The following NAALADL2 variants were observed in gnomAD, a reference collection of about 807,000 sequenced individuals.
The protein encoded by NAALADL2 is N-acetylated alpha-linked acidic dipeptidase like 2.
NAALADL2 carries 76 observed loss-of-function variants against 87.2 expected under a neutral mutation model. The ratio of observed to expected loss-of-function variants is 0.87; its 90% CI spans 0.72 to 1.05. The LOEUF (loss-of-function observed/expected upper bound fraction) is 1.05, where lower values mean the gene tolerates loss of function less well. Ranked by LOEUF, NAALADL2 falls within the 50% of genes least tolerant of loss-of-function variation. NAALADL2 has a pLI of 0.00. For missense variants in NAALADL2, 1,089 were observed against 945.8 expected (o/e 1.15, Z -1.99); for synonymous variants, 354 against 331.0 (o/e 1.07, Z -0.75).
At chr3:175,130,203 T>C (rs1727612796) in intron 2 of NAALADL2, among the ~76,000 whole-genome samples, 1 of 65,806 alleles carries the variant, frequency 1.5e-5, no homozygotes, top group Admixed American at 1.8e-4. Context: ...AACTTTTGTA[T>C]ATTATAACTT....
chr3:174,703,696 T>C (rs1033377898), intron 2 of NAALADL2, among the ~76,000 whole-genome samples: 2 of 152,154 alleles, frequency 1.3e-5, no homozygotes, highest in African/African-American at 4.8e-5. Flanking sequence ...GATTATCATG[T>C]AGATTTTATA....
At chr3:175,194,830 A>G (rs1167113218) in intron 2 of NAALADL2, among the ~76,000 whole-genome samples, 1 of 151,806 alleles carries the variant, frequency 6.6e-6, no homozygotes, top group Non-Finnish European at 1.5e-5. Context: ...TGAATTAGTT[A>G]TAATACTAAG....
At chr3:175,747,639 CT>C (rs111942136) in intron 12 of NAALADL2, among the ~76,000 whole-genome samples, 4,717 of 148,962 alleles carry the variant, frequency 0.032, 179 homozygotes, top group African/African-American at 0.096. Flanking sequence ...TCATTTAAGC[CT>C]TTTTTTTTTC....
In NAALADL2 at chr3:174,638,574, AAGG is replaced by A. The variant is rs1250442809; in HGVS notation, c.-115+87941_-115+87943del. On this transcript the variant is annotated intron_variant, in intron 2 of 3. Coordinates refer to the NAALADL2 transcript ENST00000434257. ...AACTATGGCATAGGAGATGTTGAAG[AAGG>A]AGGGTCAGGTTTTTTTTTAAAAAAA... 5.3e-5 allele frequency among the ~76,000 whole-genome samples: 8 copies of A among 152,218 alleles called. No homozygotes were observed. The East Asian group carries it at 1.5e-3, about 29-fold the overall frequency.
At chr3:175,667,215 GAAAGAAAGAAAGAAAGAAAGAAAGAAAA>G (rs1733203758) in intron 11 of NAALADL2, among the ~76,000 whole-genome samples, 4 of 122,452 alleles carry the variant, frequency 3.3e-5, no homozygotes, top group South Asian at 2.5e-4. Flanking sequence ...AAGAAAGAAA[GAAAGAAAGAAAGAAAGAAAGAAAGAAAA>G]AGAAAGAAAG....
intron 1 of NAALADL2, among the ~76,000 whole-genome samples, chr3:174,905,030 A>G (rs1330043339): frequency 6.6e-6 from 1 of 151,740 alleles, no homozygotes; most frequent in African/African-American, 2.4e-5. Flanking sequence ...ATTCTATAGC[A>G]GTTTTCTTAT....
intron 10 of NAALADL2, among the ~76,000 whole-genome samples, chr3:175,577,389 A>G (rs1346366610): frequency 1.3e-5 from 2 of 152,156 alleles, no homozygotes; most frequent in Non-Finnish European, 2.9e-5. Context: ...TAATTTCTAA[A>G]CTTTTTAGAT....
chr3:175,314,683 TATATATATATATATATATA>T (rs1758852407), intron 4 of NAALADL2, among the ~76,000 whole-genome samples: 1 of 23,424 alleles, frequency 4.3e-5, no homozygotes, highest in Non-Finnish European at 6.7e-5. Context: ...TATATATATA[TATATATATATATATATATA>T]TATATATATA....
At chr3:175,712,345 A>C (rs1055512681) in intron 11 of NAALADL2, among the ~76,000 whole-genome samples, 3 of 152,046 alleles carry the variant, frequency 2.0e-5, no homozygotes, top group African/African-American at 7.2e-5. Context: ...TCCATGTAAA[A>C]GGGGTACACA....
chr3:175,508,560 A>T (rs1730674191), intron 9 of NAALADL2, among the ~76,000 whole-genome samples: 1 of 152,166 alleles, frequency 6.6e-6, no homozygotes, highest in Admixed American at 6.5e-5. Flanking sequence ...TTTGACATGC[A>T]AAAACAGCAA....
chr3:175,232,222 G>A (rs1445183001), intron 2 of NAALADL2, among the ~76,000 whole-genome samples: 2 of 141,528 alleles, frequency 1.4e-5, no homozygotes, highest in African/African-American at 5.2e-5. Flanking sequence ...AAGAGAAGAA[G>A]AAGAAGAGGA....
intron 13 of NAALADL2, among the ~76,000 whole-genome samples, chr3:175,797,956 G>A (rs1375142368): frequency 6.6e-6 from 1 of 152,020 alleles, no homozygotes; most frequent in Non-Finnish European, 1.5e-5. Context: ...GAGAACATAT[G>A]TGATAACATG....
At chr3:175,273,004 C>G (rs897503308) in intron 4 of NAALADL2, among the ~76,000 whole-genome samples, 3 of 151,700 alleles carry the variant, frequency 2.0e-5, no homozygotes, top group Admixed American at 6.6e-5. Flanking sequence ...GAACAAAATC[C>G]GATTTATATT....
In NAALADL2 at chr3:175,087,316, T is replaced by TC. The variant is rs551168986; in HGVS notation, c.44-9472dup. Among the ~76,000 whole-genome samples the TC allele has an allele frequency of 2.7e-4, 41 of 152,212 alleles. 1 individual carries two copies. The South Asian group carries it at 7.5e-3, about 28-fold the overall frequency. Reference sequence around the variant, plus strand: ...AGCCCCCGCCCTGGCAGCTGCCCCTTCCGGGAAGGAGGTTGGGGGCGCCTC... The same window carrying TC: ...AGCCCCCGCCCTGGCAGCTGCCCCTTCCCGGGAAGGAGGTTGGGGGCGCCTC... On this transcript the variant is annotated intron_variant, in intron 1 of 13. Transcript: ENST00000454872.
intron 11 of NAALADL2, among the ~76,000 whole-genome samples, chr3:175,729,431 C>G (rs985562881): frequency 6.6e-6 from 1 of 152,144 alleles, no homozygotes; most frequent in Non-Finnish European, 1.5e-5. Flanking sequence ...TGAACTGTAA[C>G]CTAACTAATA....
At chr3:175,025,247 A>C (rs1752073145) in intron 1 of NAALADL2, among the ~76,000 whole-genome samples, 1 of 152,136 alleles carries the variant, frequency 6.6e-6, no homozygotes, top group South Asian at 2.1e-4. Flanking sequence ...CATATGAAAA[A>C]AAAAAGTTTT....
rs137886818 is a variant in NAALADL2, at chr3:174,652,469, C to A, written c.-114-85172C>A. The stretch of plus-strand genomic sequence containing the variant: ...CACATGGCTGGGGAGGCCTCACAAT[C>A]ATGGCAGAAGGTGAAGGAAGAGCAA... On this transcript the variant is annotated intron_variant, in intron 2 of 3. Transcript: ENST00000434257. Among the ~76,000 whole-genome samples, 268 of 152,254 alleles carry A rather than the reference C, an allele frequency of 1.8e-3. 1 individual carries two copies. Among genetic ancestry groups the A allele is most frequent in the African/African-American group, 6.3e-3 (261 of 41,546 alleles).
intron 2 of NAALADL2, among the ~76,000 whole-genome samples, chr3:175,211,339 C>T (rs1741740817): frequency 6.6e-6 from 1 of 151,750 alleles, no homozygotes; most frequent in Non-Finnish European, 1.5e-5. Context: ...TGTAGGTTTC[C>T]AGGGAAGGCA....
chr3:174,909,612 A>G (rs1027737300), intron 1 of NAALADL2, among the ~76,000 whole-genome samples: 11 of 152,150 alleles, frequency 7.2e-5, no homozygotes, highest in Non-Finnish European at 1.3e-4. Flanking sequence ...GTGGTGGGTT[A>G]GTGCACAGAC....
Sources: gnomAD v4.1 joint callset for allele counts (sites outside exome capture counted in the v4.1 genomes callset) on GRCh38, gnomAD v4.1.1 for gene constraint, MANE v1.5 for transcripts, NCBI Gene and HGNC (gene_info 2026-07-23, HGNC 2026-07-21) for gene names.